The following MME variants were observed in gnomAD, a reference collection of about 807,000 sequenced individuals.
MME encodes the protein neprilysin.
In MME, 98 loss-of-function variants were observed where a neutral mutation model predicts 113.2. The ratio of observed to expected loss-of-function variants is 0.87; its 90% CI spans 0.74 to 1.02. MME has a LOEUF of 1.02. Ranked by LOEUF, MME falls within the 50% of genes least tolerant of loss-of-function variation. MME has a pLI of 0.00. For missense variants in MME, 836 were observed against 896.0 expected (o/e 0.93, Z 0.86); for synonymous variants, 292 against 300.6 (o/e 0.97, Z 0.30).
At chr3:155,104,611 G>A (rs1717537128) in intron 3 of MME, among the ~76,000 whole-genome samples, 1 of 152,150 alleles carries the variant, frequency 6.6e-6, no homozygotes, top group African/African-American at 2.4e-5. Flanking sequence ...GGTTATTCTT[G>A]ACAGACAATA....
intron 1 of MME, among the ~76,000 whole-genome samples, chr3:155,060,833 G>GAGAGAC (rs1199632855): frequency 1.4e-4 from 20 of 142,136 alleles, no homozygotes; most frequent in Admixed American, 1.4e-4. Context: ...GAGAGGCAGA[G>GAGAGAC]AGAGAGAGAG....
At position 155,159,461 on chromosome 3, in the gene MME, G is replaced by C. The variant is rs560071466; in HGVS notation, c.1602-929G>C. ...TCCATTTTTCCAATGAGCAAGTAAC[G>C]ATATATGTAGTAGTCTACTAAGATG... On this transcript the variant is annotated intron_variant, in intron 16 of 22. Transcript: ENST00000360490. Among the ~76,000 whole-genome samples the C allele has an allele frequency of 2.0e-5, 3 of 152,092 alleles. No individual in the cohort carries two copies. In the South Asian group the frequency reaches 6.2e-4, roughly 32 times the overall value.
At chr3:155,131,251 A>C (rs1399367565) in intron 8 of MME, among the ~76,000 whole-genome samples, 1 of 152,204 alleles carries the variant, frequency 6.6e-6, no homozygotes. Flanking sequence ...AGCAGACCTA[A>C]GATAATCTTG....
chr3:155,115,168 T>A lies in MME; in HGVS notation c.358+13T>A. ...GTCGTTTTGAAAGGTTAGTAGAGAT[T>A]GTGTCTGTGCATCAAAGATTTCTCT... On this transcript the variant is annotated intron_variant, in intron 4 of 22. Transcript: ENST00000360490. 1 of 1,613,674 alleles carries A rather than the reference T, an allele frequency of 6.2e-7. No individual in the cohort carries two copies. The highest frequency in any genetic ancestry group is 8.5e-7 in the Non-Finnish European group (1 of 1,179,736).
At chr3:155,040,826 T>C (rs1175681785) in intron 1 of MME, among the ~76,000 whole-genome samples, 1 of 152,156 alleles carries the variant, frequency 6.6e-6, no homozygotes, top group African/African-American at 2.4e-5. Flanking sequence ...CCTTATAATG[T>C]CATGATTCAG....
chr3:155,025,181 G>C (rs559969775), intron 1 of MME, among the ~76,000 whole-genome samples: 10 of 152,110 alleles, frequency 6.6e-5, no homozygotes, highest in African/African-American at 2.2e-4. Flanking sequence ...CACCACCCAG[G>C]GTGCAGCCCA....
At chr3:155,175,247 T>C (rs1420199061) in intron 22 of MME, among the ~76,000 whole-genome samples, 1 of 151,870 alleles carries the variant, frequency 6.6e-6, no homozygotes, top group Non-Finnish European at 1.5e-5. Flanking sequence ...TTTTGACTTA[T>C]TTTGGGTTTT....
chr3:155,177,257 G>A (rs1398916332), intron 22 of MME, among the ~76,000 whole-genome samples: 1 of 152,186 alleles, frequency 6.6e-6, no homozygotes, highest in East Asian at 1.9e-4. Flanking sequence ...AGCTCTTCCA[G>A]TCAGTGATGC....
rs1201178321 is a variant in MME at position 155,182,517 on chromosome 3, CA to C, written c.*2060del. 1.3e-5 allele frequency: 2 copies of C among 152,184 alleles called. No homozygotes were observed. Among genetic ancestry groups the C allele is most frequent in the African/African-American group, 4.8e-5 (2 of 41,444 alleles). 9.4% of individuals were successfully genotyped at this position (152,184 alleles called of 1,614,324 possible). ...TCCTCCTTTATCACAACCACCGTTA[CA>C]AGTATACTTATATTTCCCTAAAATA... On this transcript the variant is annotated 3_prime_UTR_variant, in exon 23 of 23. Transcript: ENST00000360490.
chr3:155,138,021 A>G (rs1018818514), intron 8 of MME, 81 bp from the exon 9 acceptor site: 14 of 1,496,152 alleles, frequency 9.4e-6, no homozygotes, highest in Non-Finnish European at 1.3e-5. Context: ...AAAAATTAAT[A>G]TTGAAATGAA....
chr3:155,166,698 G>A (rs1723119698), intron 17 of MME, among the ~76,000 whole-genome samples: 1 of 152,168 alleles, frequency 6.6e-6, no homozygotes. Flanking sequence ...GAAGGTTTTT[G>A]TATATAACTA....
chr3:155,180,116 T>C (rs1712938986), intron 22 of MME, among the ~76,000 whole-genome samples: 1 of 152,240 alleles, frequency 6.6e-6, no homozygotes, highest in Non-Finnish European at 1.5e-5. Flanking sequence ...AGAAGCTTCA[T>C]AAGCAGGATT....
intron 1 of MME, chr3:155,081,630 T>G (rs1715156173): frequency 6.6e-6 from 1 of 150,520 alleles, no homozygotes; most frequent in African/African-American, 2.5e-5. Context: ...TTTTTTTTTT[T>G]GTATTCTTTT....
chr3:155,162,339 A>G (rs1722777694), intron 17 of MME, among the ~76,000 whole-genome samples: 1 of 152,196 alleles, frequency 6.6e-6, no homozygotes, highest in African/African-American at 2.4e-5. Context: ...AGAGCTGAAA[A>G]TATTTTCATT....
At chr3:155,122,124 C>A (rs1272559284) in intron 8 of MME, among the ~76,000 whole-genome samples, 1 of 137,448 alleles carries the variant, frequency 7.3e-6, no homozygotes, top group African/African-American at 2.7e-5. Flanking sequence ...AGAGATTCAA[C>A]TTCTTCCTGG....
intron 3 of MME, among the ~76,000 whole-genome samples, chr3:155,098,570 G>A (rs1473168627): frequency 6.7e-6 from 1 of 149,698 alleles, no homozygotes; most frequent in African/African-American, 2.5e-5. Context: ...AAAAAAAAGA[G>A]TGGCCATGGG....
upstream of MME, among the ~76,000 whole-genome samples, chr3:155,078,096 C>T (rs1714825331): frequency 6.6e-6 from 1 of 151,222 alleles, no homozygotes; most frequent in Admixed American, 6.6e-5. Context: ...AAAATTAGCT[C>T]GGTGTGGTGG....
At chr3:155,140,382 T>C in intron 10 of MME, 90 bp downstream of exon 10, 1 of 780,396 alleles carries the variant, frequency 1.3e-6, no homozygotes, top group Non-Finnish European at 2.2e-6. Context: ...CAAGTTTTTA[T>C]TTATTGAAGT....
At chr3:155,113,212 C>G (rs1414838002) in intron 3 of MME, among the ~76,000 whole-genome samples, 1 of 152,120 alleles carries the variant, frequency 6.6e-6, no homozygotes, top group Non-Finnish European at 1.5e-5. Flanking sequence ...TTGCATAAAC[C>G]ACCAAAAGAG....
Sources: gnomAD v4.1 joint callset for allele counts (sites outside exome capture counted in the v4.1 genomes callset) on GRCh38, gnomAD v4.1.1 for gene constraint, MANE v1.5 for transcripts, NCBI Gene and HGNC (gene_info 2026-07-23, HGNC 2026-07-21) for gene names.